FANCC: variants seen among roughly 807,000 people sequenced by gnomAD.
FANCC encodes the protein Fanconi anemia group C protein.
FANCC carries 55 observed loss-of-function variants against 71.3 expected under a neutral mutation model. The observed-to-expected ratio is 0.77, with a 90% CI of 0.62 to 0.97. FANCC has a LOEUF of 0.97. FANCC is among the 50% of genes least tolerant of loss of function. The pLI is 0.00. For synonymous variants in FANCC, 275 were observed against 244.9 expected, an observed-to-expected ratio of 1.12 and a Z score of -1.15; for missense variants, 678 against 670.9, an observed-to-expected ratio of 1.01 and a Z score of -0.12.
chr9:95,233,454 T>C (rs1830129840), intron 4 of FANCC, among the ~76,000 whole-genome samples: 1 of 152,176 alleles, frequency 6.6e-6, no homozygotes, highest in African/African-American at 2.4e-5. Flanking sequence ...TCCCTAGGTT[T>C]CCATATCTCA....
Position 95,125,164 on chromosome 9 carries a change from ATC to A in FANCC, c.916_917del (p.Asp306TrpfsTer67), listed in dbSNP as rs779806106. On this transcript the variant is annotated frameshift_variant, in exon 10 of 15. Coordinates refer to ENST00000289081, the MANE Select transcript of FANCC (RefSeq NM_000136.3). LOFTEE classifies it high-confidence loss of function. The stretch of plus-strand genomic sequence containing the variant: ...TAGTGGCTATGATTTCCAGGGCCCC[ATC>A]GGTTTCCAGGAGTGCACACCTGAAC... ...EMFRCALLET[D>X]GALEIIATIQ... The A allele has an allele frequency of 1.2e-6, 2 of 1,614,096 alleles. No homozygotes were observed. Among genetic ancestry groups the A allele is most frequent in the Admixed American group, 3.3e-5 (2 of 59,992 alleles).
chr9:95,139,834 T>TTATATA (rs539221326), intron 7 of FANCC, among the ~76,000 whole-genome samples: 9 of 143,164 alleles, frequency 6.3e-5, no homozygotes, highest in Non-Finnish European at 1.2e-4. Context: ...ATATATATAT[T>TTATATA]TATATATATA....
chr9:95,132,624 C>T (rs918314439), intron 8 of FANCC, among the ~76,000 whole-genome samples: 8 of 152,162 alleles, frequency 5.3e-5, no homozygotes, highest in African/African-American at 1.7e-4. Flanking sequence ...GTCCACCGCA[C>T]GGAAGCCAAA....
intron 4 of FANCC, among the ~76,000 whole-genome samples, chr9:95,213,119 T>C (rs1828612293): frequency 1.3e-5 from 2 of 152,224 alleles, no homozygotes; most frequent in African/African-American, 2.4e-5. Flanking sequence ...ATTTTCATTA[T>C]ACTGGGTTAA....
At chr9:95,161,851 T>C (rs1256266506) in intron 6 of FANCC, among the ~76,000 whole-genome samples, 2 of 150,462 alleles carry the variant, frequency 1.3e-5, no homozygotes, top group African/African-American at 4.9e-5. Context: ...TCTTTTTTTT[T>C]TTTTTTTTGA....
At chr9:95,152,670 A>G (rs1280609751) in intron 6 of FANCC, among the ~76,000 whole-genome samples, 3 of 152,126 alleles carry the variant, frequency 2.0e-5, no homozygotes, top group Admixed American at 6.5e-5. Flanking sequence ...CTTGTGGGTA[A>G]AAGTAGTTTT....
chr9:95,286,812 G>A (rs4647392), intron 1 of FANCC, among the ~76,000 whole-genome samples: 6 of 152,150 alleles, frequency 3.9e-5, no homozygotes, highest in South Asian at 4.2e-4. Flanking sequence ...GCATGGTGGC[G>A]GGCACCTGCA....
chr9:95,312,920 G>C (rs1014143652), intron 1 of FANCC, among the ~76,000 whole-genome samples: 2 of 152,296 alleles, frequency 1.3e-5, no homozygotes, highest in South Asian at 2.1e-4. Flanking sequence ...ACCACCTTTG[G>C]TAACTTGCCA....
chr9:95,218,242 A>C (rs983598655), intron 4 of FANCC, among the ~76,000 whole-genome samples: 2 of 152,212 alleles, frequency 1.3e-5, no homozygotes, highest in African/African-American at 4.8e-5. Flanking sequence ...AGGTGGGAGA[A>C]TCGCTTGAGA....
At chr9:95,259,177 T>C (rs964551748) in intron 1 of FANCC, among the ~76,000 whole-genome samples, 1 of 152,162 alleles carries the variant, frequency 6.6e-6, no homozygotes, top group South Asian at 2.1e-4. Flanking sequence ...CTTCACAGAA[T>C]TAGAAAAAAC....
chr9:95,314,813 G>T lies in FANCC; in HGVS notation c.-79+2713C>A, dbSNP rs564894526. Among the ~76,000 whole-genome samples, 7 of 152,144 alleles carry T rather than the reference G, an allele frequency of 4.6e-5. No homozygotes were observed. The South Asian group carries it at 1.2e-3, about 27-fold the overall frequency. On this transcript the variant is annotated intron_variant, in intron 1 of 14. Transcript: ENST00000289081. ...TGAAAATTACTAAATACTGCTAAGA[G>T]AAATTAAAGCGCTCAACAAATGGAA...
At chr9:95,256,816 C>A (rs1262021472) in intron 1 of FANCC, among the ~76,000 whole-genome samples, 1 of 151,364 alleles carries the variant, frequency 6.6e-6, no homozygotes, top group Non-Finnish European at 1.5e-5. Context: ...CAGACATAGG[C>A]TCAAAATAAA....
chr9:95,251,495 T>A (rs1185143658), intron 1 of FANCC, among the ~76,000 whole-genome samples: 1 of 152,176 alleles, frequency 6.6e-6, no homozygotes, highest in East Asian at 1.9e-4. Flanking sequence ...TTTGTATTTT[T>A]AGTAGAGACG....
At chr9:95,157,087 A>C (rs1043753372) in intron 6 of FANCC, among the ~76,000 whole-genome samples, 2 of 151,990 alleles carry the variant, frequency 1.3e-5, no homozygotes, top group Admixed American at 1.3e-4. Flanking sequence ...GAGCTCCCAA[A>C]CTTAAGCACC....
chr9:95,123,863 A>G, intron 10 of FANCC: 2 of 590,838 alleles, frequency 3.4e-6, no homozygotes, highest in Non-Finnish European at 6.4e-6. Flanking sequence ...ACCAAAGCCC[A>G]CGTAAGGAGT....
intron 1 of FANCC, among the ~76,000 whole-genome samples, chr9:95,297,902 C>T (rs1166259271): frequency 1.3e-5 from 2 of 152,040 alleles, no homozygotes; most frequent in African/African-American, 4.8e-5. Context: ...AGACTGTCAC[C>T]CTGCTCAAGC....
intron 14 of FANCC, among the ~76,000 whole-genome samples, chr9:95,104,932 G>A (rs1222858326): frequency 2.0e-5 from 3 of 152,170 alleles, no homozygotes; most frequent in Non-Finnish European, 4.4e-5. Flanking sequence ...ACCCATAGGT[G>A]AGAGCATGCA....
intron 4 of FANCC, among the ~76,000 whole-genome samples, chr9:95,228,436 T>G (rs1829768609): frequency 6.6e-6 from 1 of 152,206 alleles, no homozygotes; most frequent in Admixed American, 6.5e-5. Flanking sequence ...CTCCTCTCCA[T>G]GTGGAAGTCC....
intron 4 of FANCC, among the ~76,000 whole-genome samples, chr9:95,202,057 A>T (rs1588273071): frequency 6.6e-6 from 1 of 152,370 alleles, no homozygotes. Flanking sequence ...GAAAAAATCA[A>T]TTAGGTGTTT....
Sources: gnomAD v4.1 joint callset for allele counts (sites outside exome capture counted in the v4.1 genomes callset) on GRCh38, gnomAD v4.1.1 for gene constraint, MANE v1.5 for transcripts, NCBI Gene and HGNC (gene_info 2026-07-23, HGNC 2026-07-21) for gene names.